Variants in RTTN observed in about 807,000 individuals in gnomAD.
RTTN encodes rotatin.
In RTTN, 182 loss-of-function variants were observed where a neutral mutation model predicts 269.2. The ratio of observed to expected loss-of-function variants is 0.68; its 90% CI spans 0.60 to 0.76. The LOEUF is 0.76. Among genes scored for constraint, RTTN ranks in the 30% least tolerant of loss-of-function variants. The pLI, the probability that RTTN is intolerant of heterozygous loss-of-function variation, is 0.00. For missense variants in RTTN, 2,545 were observed against 2,608.6 expected (o/e 0.98, Z 0.53); for synonymous variants, 1,006 against 963.5 (o/e 1.04, Z -0.82).
intron 23 of RTTN, 90 bp from the exon 24 acceptor site, chr18:70,128,636 C>A: frequency 1.1e-6 from 1 of 944,050 alleles, no homozygotes; most frequent in Non-Finnish European, 1.6e-6. Flanking sequence ...TAGTTCAATG[C>A]CTCCCAACCC....
chr18:70,128,390 C>T lies in RTTN; in HGVS notation c.3111G>A (p.Leu1037=). The T allele has an allele frequency of 6.2e-7, 1 of 1,612,750 alleles. No homozygotes were observed. Among genetic ancestry groups the T allele is most frequent in the Non-Finnish European group, 8.5e-7 (1 of 1,179,202 alleles). ...TTTTAGTTTCAGAGTTCATTTGCTT[C>T]AACAGATTATCACTCCCATGATACC... The part of the protein sequence containing the change: ...LSWYHGSDNL[L]KQMNSETKTQ... The change falls in exon 24 of 49, where the codon TTG becomes TTA. Residue 1037 remains leucine, a synonymous_variant. Coordinates refer to ENST00000640769, the MANE Select transcript of RTTN (RefSeq NM_173630.4).
At chr18:70,013,448 G>A (rs2056454026) in intron 46 of RTTN, among the ~76,000 whole-genome samples, 2 of 142,132 alleles carry the variant, frequency 1.4e-5, no homozygotes, top group South Asian at 4.2e-4. Context: ...TTAATGTGGT[G>A]GGCCCCTCTG....
chr18:70,176,606 G>T, intron 11 of RTTN, 69 bp downstream of exon 11: 2 of 1,396,476 alleles, frequency 1.4e-6, no homozygotes, highest in Non-Finnish European at 1.9e-6. Flanking sequence ...AAGAGCAGAA[G>T]AAATTTACAA....
chr18:70,108,676 T>C (rs567694019), intron 28 of RTTN, among the ~76,000 whole-genome samples: 7 of 152,082 alleles, frequency 4.6e-5, no homozygotes, highest in Non-Finnish European at 1.0e-4. Context: ...ACAACCTAAC[T>C]GAAATGTTTC....
At chr18:70,020,928 G>A in intron 44 of RTTN, 111 bp from the exon 45 acceptor site, 1 of 823,638 alleles carries the variant, frequency 1.2e-6, no homozygotes, top group Non-Finnish European at 1.9e-6. Flanking sequence ...CCATTAACCT[G>A]TGAACTGCAA....
chr18:70,105,108 G>GAGGC (rs2059286735), intron 28 of RTTN, among the ~76,000 whole-genome samples: 3 of 152,312 alleles, frequency 2.0e-5, no homozygotes, highest in East Asian at 1.9e-4. Flanking sequence ...GGAGTCTACA[G>GAGGC]AGGCAGGCAG....
chr18:70,035,918 A>C lies in RTTN; in HGVS notation c.5542-4937T>G, dbSNP rs557856824. On this transcript the variant is annotated intron_variant, in intron 40 of 48. Transcript: ENST00000640769. The stretch of plus-strand genomic sequence containing the variant: ...ACACAAACAGACACTTCTCAAAAGA[A>C]GACATACACATTGCCAACAAGCACA... Among the ~76,000 whole-genome samples, 3 of 152,328 alleles carry C rather than the reference A, an allele frequency of 2.0e-5. No homozygotes were observed. In the South Asian group the frequency reaches 6.2e-4, roughly 32 times the overall value.
intron 4 of RTTN, among the ~76,000 whole-genome samples, chr18:70,201,496 T>G (rs2061945779): frequency 6.8e-6 from 1 of 147,538 alleles, no homozygotes; most frequent in Non-Finnish European, 1.5e-5. Context: ...TAGTCCCAGC[T>G]ACTTGGGAGG....
At chr18:70,175,033 C>T (rs373896734) in intron 11 of RTTN, among the ~76,000 whole-genome samples, 1 of 20,892 alleles carries the variant, frequency 4.8e-5, no homozygotes, top group African/African-American at 1.9e-4. Context: ...GTCTCAAAAA[C>T]AAAACCAAAA....
At chr18:70,154,163 A>AT (rs1230508368) in intron 14 of RTTN, among the ~76,000 whole-genome samples, 6 of 151,924 alleles carry the variant, frequency 3.9e-5, no homozygotes, top group South Asian at 2.1e-4. Context: ...AATTCAGTGC[A>AT]TTTTTTTTAA....
intron 25 of RTTN, among the ~76,000 whole-genome samples, chr18:70,123,778 T>C (rs1568420545): frequency 6.6e-6 from 1 of 152,106 alleles, no homozygotes; most frequent in Non-Finnish European, 1.5e-5. Context: ...GATTATACTT[T>C]TAGCTGTCTT....
rs556295512 is a variant in RTTN, at chr18:70,088,007, A to G, written c.4284T>C (p.Cys1428=). The change falls in exon 31 of 49, where the codon TGT becomes TGC. Residue 1428 remains cysteine (C), a synonymous_variant. Transcript: ENST00000640769. ...GACATACCTCCCGGCGCACCATACT[A>G]CATTCTGACTGGTCCAGAAGAATGT... ...VVNILLDQSE[C]SMVRREAAFI... The G allele has an allele frequency of 3.1e-6, 5 of 1,613,358 alleles. No homozygotes were observed. The East Asian group carries it at 6.7e-5, about 22-fold the overall frequency.
Position 70,109,695 on chromosome 18 carries a change from C to A in RTTN, c.3706G>T (p.Val1236Phe). 1 of 1,613,852 alleles carries A rather than the reference C, an allele frequency of 6.2e-7. No homozygotes were observed. Among genetic ancestry groups the A allele is most frequent in the East Asian group, 2.2e-5 (1 of 44,868 alleles). ...TTCAGAGCCAGCTGCGTTTGAAAAA[C>A]GTAAAGAAGTTCCGAGCATTTCCTA... ...TDRKCSELLYVFQTQLALKLL... is the reference protein window; with the variant it reads ...TDRKCSELLYFFQTQLALKLL... Residue 1236 changes from valine (V) to phenylalanine (F), a missense_variant, in exon 28 of 49, where the codon GTT becomes TTT. Coordinates refer to ENST00000640769, the MANE Select transcript of RTTN (RefSeq NM_173630.4).
At chr18:70,088,211 T>C in intron 30 of RTTN, 64 bp from the exon 31 acceptor site, 1 of 1,439,642 alleles carries the variant, frequency 6.9e-7, no homozygotes, top group Non-Finnish European at 9.4e-7. Flanking sequence ...GAATTCTTAG[T>C]TTTTCTGGTA....
At chr18:70,140,476 G>A (rs1232810860) in intron 19 of RTTN, among the ~76,000 whole-genome samples, 1 of 152,056 alleles carries the variant, frequency 6.6e-6, no homozygotes, top group Non-Finnish European at 1.5e-5. Flanking sequence ...GAGAATTTAA[G>A]TGTACAAATG....
At chr18:70,086,382 C>T (rs1044318142) in intron 32 of RTTN, among the ~76,000 whole-genome samples, 2 of 152,008 alleles carry the variant, frequency 1.3e-5, no homozygotes, top group Admixed American at 6.6e-5. Flanking sequence ...GTGCCTAAAA[C>T]ATAGTAAACA....
rs1292737942 is a variant in RTTN at position 70,017,743 on chromosome 18, C to T, written c.6154-69G>A. ...CATTATTTTCCTAGTCCCTTGGTGA[C>T]CAATTAACTAACATTCTGATATACT... On this transcript the variant is annotated intron_variant, in intron 45 of 48. Coordinates refer to ENST00000640769, the MANE Select transcript of RTTN (RefSeq NM_173630.4). The T allele has an allele frequency of 3.7e-5, 47 of 1,263,610 alleles. 1 individual carries two copies. In the East Asian group the frequency reaches 9.9e-4, roughly 27 times the overall value. The allele number at this position is 1,263,610 out of a possible 1,614,324, so 78.3% of individuals were successfully genotyped here.
intron 28 of RTTN, among the ~76,000 whole-genome samples, chr18:70,098,449 T>G (rs2059061941): frequency 6.6e-6 from 1 of 152,114 alleles, no homozygotes; most frequent in African/African-American, 2.4e-5. Context: ...ATGAGATAGA[T>G]AGGCCACTAG....
rs78319939 is a variant in RTTN at position 70,032,914 on chromosome 18, A to G, written c.5542-1933T>C. On this transcript the variant is annotated intron_variant, in intron 40 of 48. Transcript: ENST00000640769. ...CCACATGGCACATACTCTAAAATCA[A>G]CCACACAATCAGACACAAAACAAAT... is the stretch of plus-strand genomic sequence containing the variant. Among the ~76,000 whole-genome samples, 34 of 152,366 alleles carry G rather than the reference A, an allele frequency of 2.2e-4. No homozygotes were observed. In the East Asian group the frequency reaches 6.6e-3, roughly 29 times the overall value.
Sources: allele counts gnomAD v4.1 joint callset (sites outside exome capture counted in the v4.1 genomes callset), GRCh38; gene constraint gnomAD v4.1.1; transcripts MANE v1.5; gene names NCBI Gene and HGNC (gene_info 2026-07-23, HGNC 2026-07-21).